Variants in LY6E observed in about 807,000 individuals in gnomAD.
LY6E encodes lymphocyte antigen 6 family member E.
LY6E carries 4 observed loss-of-function variants against 7.7 expected under a neutral mutation model. The ratio of observed to expected loss-of-function variants is 0.52; its 90% CI spans 0.25 to 1.18. LY6E has a LOEUF of 1.18. LY6E is among the 50% of genes most tolerant of loss of function. The pLI, the probability that LY6E is intolerant of heterozygous loss-of-function variation, is 0.14. For synonymous variants in LY6E, 81 were observed against 80.1 expected (o/e 1.01, Z -0.06); for missense variants, 156 against 168.0 (o/e 0.93, Z 0.40).
chr8:143,022,014 G>A lies in LY6E; in HGVS notation c.*225G>A. Reference sequence around the variant, plus strand: ...GGTGGATGATGTGACCTTCCTTGGGGGACCGCGGAAGGGACGAGGGTTCCC... The same window carrying A: ...GGTGGATGATGTGACCTTCCTTGGGAGACCGCGGAAGGGACGAGGGTTCCC... On this transcript the variant is annotated 3_prime_UTR_variant, in exon 4 of 4. Coordinates refer to ENST00000292494, the MANE Select transcript of LY6E (RefSeq NM_002346.3). The A allele has an allele frequency of 5.1e-6, 3 of 589,340 alleles. No individual in the cohort carries two copies. The highest frequency in any genetic ancestry group is 4.5e-4 in the Middle Eastern group (1 of 2,222). The allele number at this position is 589,340 out of a possible 1,614,324, so 36.5% of individuals were successfully genotyped here.
In LY6E at chr8:143,020,973, C is replaced by T. The variant is rs1334100898; in HGVS notation, c.34C>T (p.Leu12Phe). ...CTTCTTGCCAGTGCTGCTGGCTGCC[C>T]TTCTGGGTGTGGAGCGAGGTGAGGT... The part of the protein sequence containing the change: ...KIFLPVLLAA[L>F]LGVERASSLM... The change falls in exon 2 of 4, where the codon CTT becomes TTT. Residue 12 changes from leucine to phenylalanine, a missense_variant. By Grantham distance (22) the Leu-to-Phe change is conservative (BLOSUM62 0). Transcript: ENST00000292494. The T allele has an allele frequency of 2.5e-6, 4 of 1,614,000 alleles. No homozygotes were observed. Among genetic ancestry groups the T allele is most frequent in the Non-Finnish European group, 2.5e-6 (3 of 1,179,996 alleles).
At chr8:143,020,799 GT>G in intron 1 of LY6E, 83 bp from the exon 2 acceptor site, 1 of 715,032 alleles carries the variant, frequency 1.4e-6, no homozygotes, top group Non-Finnish European at 2.4e-6. Flanking sequence ...TCTGCTGTCT[GT>G]GTCCTCATCT....
At position 143,021,555 on chromosome 8, in the gene LY6E, T is replaced by C. The variant is rs764511574; in HGVS notation, c.173-11T>C. The C allele has an allele frequency of 8.4e-5, 136 of 1,613,628 alleles. 4 individuals carry two copies. In the South Asian group the frequency reaches 1.5e-3, roughly 18 times the overall value. On this transcript the variant is annotated splice_polypyrimidine_tract_variant and intron_variant, in intron 3 of 3. Transcript: ENST00000292494. ...TCTGTCTCTCCCCTGACAGCCTCAT[T>C]TCCCATGCAGGGAATCTCGTGACAT...
At chr8:143,019,670 C>T (rs117809561) in intron 1 of LY6E, among the ~76,000 whole-genome samples, 3,051 of 152,310 alleles carry the variant, frequency 0.02, 50 homozygotes, top group Non-Finnish European at 0.032. Flanking sequence ...TCTCACTGTC[C>T]TGGCCTGCTG....
chr8:143,020,497 GCATGGAGATTACAGGCGTGA>G (rs1216267149), intron 1 of LY6E: 2 of 174,452 alleles, frequency 1.1e-5, no homozygotes, highest in African/African-American at 4.7e-5. Context: ...GCCTCACATA[GCATGGAGATTACAGGCGTGA>G]GCCCCTGTAC....
In LY6E at chr8:143,021,880, C is replaced by T. The variant is rs1819235594; in HGVS notation, c.*91C>T. 1.7e-6 allele frequency: 2 copies of T among 1,191,986 alleles called. No homozygotes were observed. The highest frequency in any genetic ancestry group is 2.9e-5 in the South Asian group (2 of 68,058). The allele number at this position is 1,191,986 out of a possible 1,614,324, so 73.8% of individuals were successfully genotyped here. On this transcript the variant is annotated 3_prime_UTR_variant, in exon 4 of 4. Coordinates refer to ENST00000292494, the MANE Select transcript of LY6E (RefSeq NM_002346.3). The stretch of plus-strand genomic sequence containing the variant: ...CAGTGTATGGGAGCCCCTGACTCCT[C>T]ACGTGCCTGATCTGTGCCCTTGGTC...
chr8:143,021,098 TC>T, intron 2 of LY6E, 107 bp downstream of exon 2: 1 of 1,367,712 alleles, frequency 7.3e-7, no homozygotes, highest in Non-Finnish European at 1.0e-6. Flanking sequence ...TCCAGGCCGC[TC>T]CCAGCAGAGG....
intron 1 of LY6E, chr8:143,019,001 G>A (rs938146448): frequency 3.3e-5 from 5 of 152,504 alleles, no homozygotes; most frequent in Admixed American, 1.3e-4. Context: ...ACTAGGGGAG[G>A]GGGCACGGGA....
In LY6E at chr8:143,021,568, A is replaced by T; in HGVS notation, c.175A>T (p.Asn59Tyr). 4 of 1,613,810 alleles carry T rather than the reference A, an allele frequency of 2.5e-6. No individual in the cohort carries two copies. Among genetic ancestry groups the T allele is most frequent in the Non-Finnish European group, 3.4e-6 (4 of 1,179,988 alleles). Residue 59 changes from asparagine (N) to tyrosine (Y), a missense_variant and splice_region_variant, in exon 4 of 4, where the codon AAT (asparagine) becomes TAT (tyrosine). Transcript: ENST00000292494. ...TGACAGCCTCATTTCCCATGCAGGGAATCTCGTGACATTTGGCCACAGCCT... is the reference window on the plus strand; with the variant it reads ...TGACAGCCTCATTTCCCATGCAGGGTATCTCGTGACATTTGGCCACAGCCT... ...VTVSASAGIG[N>Y]LVTFGHSLSK... is the part of the protein sequence containing the mutation.
In LY6E at chr8:143,021,579, A is replaced by G. The variant is rs1188292367; in HGVS notation, c.186A>G (p.Thr62=). 2 of 1,613,698 alleles carry G rather than the reference A, an allele frequency of 1.2e-6. No homozygotes were observed. The highest frequency in any genetic ancestry group is 8.5e-7 in the Non-Finnish European group (1 of 1,179,992). Residue 62 remains threonine (T), a synonymous_variant, in exon 4 of 4, where the codon ACA becomes ACG. Transcript: ENST00000292494. ...SASAGIGNLV[T]FGHSLSKTCS... The stretch of plus-strand genomic sequence containing the variant: ...TTTCCCATGCAGGGAATCTCGTGAC[A>G]TTTGGCCACAGCCTGAGCAAGACCT...
At chr8:143,021,120 C>T in intron 2 of LY6E, 129 bp downstream of exon 2, 1 of 1,251,750 alleles carries the variant, frequency 8.0e-7, no homozygotes. Flanking sequence ...GCTCACCCGG[C>T]CTGGCCACAC....
intron 2 of LY6E, 39 bp downstream of exon 2, chr8:143,021,030 G>T (rs772231208): frequency 5.6e-6 from 9 of 1,606,814 alleles, no homozygotes; most frequent in African/African-American, 2.7e-5. Context: ...TTGTCCAGCT[G>T]TGCCCTGCTC....
chr8:143,021,090 C>A, intron 2 of LY6E, 99 bp downstream of exon 2: 1 of 1,396,540 alleles, frequency 7.2e-7, no homozygotes, highest in Non-Finnish European at 9.9e-7. Flanking sequence ...GGGGTCCTTC[C>A]AGGCCGCTCC....
intron 1 of LY6E, chr8:143,019,086 C>G (rs1219540431): frequency 2.0e-5 from 3 of 152,548 alleles, no homozygotes. Context: ...GGAACCCGCC[C>G]CCGCTTCTTG....
intron 2 of LY6E, 135 bp from the exon 3 acceptor site, chr8:143,021,179 T>C (rs1374201181): frequency 7.6e-7 from 1 of 1,318,396 alleles, no homozygotes; most frequent in Non-Finnish European, 1.0e-6. Context: ...ACGGCCAGGG[T>C]GGGGTGTCAC....
At chr8:143,020,637 C>G (rs2130451651) in intron 1 of LY6E, among the ~76,000 whole-genome samples, 1 of 152,352 alleles carries the variant, frequency 6.6e-6, no homozygotes, top group South Asian at 2.1e-4. Context: ...TTCTGTGGTT[C>G]TGAGAAGGCT....
intron 2 of LY6E, 97 bp downstream of exon 2, chr8:143,021,088 TC>T: frequency 7.2e-7 from 1 of 1,389,834 alleles, no homozygotes; most frequent in Non-Finnish European, 1.0e-6. Context: ...CAGGGGTCCT[TC>T]CAGGCCGCTC....
chr8:143,019,716 A>T (rs1003638150), intron 1 of LY6E, among the ~76,000 whole-genome samples: 1 of 151,924 alleles, frequency 6.6e-6, no homozygotes, highest in Non-Finnish European at 1.5e-5. Flanking sequence ...CCCTCTCCAG[A>T]TCTGTTCTCT....
chr8:143,021,747 G>A lies in LY6E; in HGVS notation c.354G>A (p.Leu118=), dbSNP rs1015943277. 36 of 1,611,264 alleles carry A rather than the reference G, an allele frequency of 2.2e-5. No homozygotes were observed. In the African/African-American group the frequency reaches 3.7e-4, roughly 17 times the overall value. The change falls in exon 4 of 4, where the codon CTG becomes CTA. Residue 118 remains leucine, a synonymous_variant. Coordinates refer to ENST00000292494, the MANE Select transcript of LY6E (RefSeq NM_002346.3). ...GCGTCACCCTGCTGGGTGCCGGGCT[G>A]CTGCTGAGCCTGCTGCCGGCCCTGC... The part of the protein sequence containing the change: ...RASVTLLGAG[L]LLSLLPALLR...
Sources: gnomAD v4.1 joint callset for allele counts (sites outside exome capture counted in the v4.1 genomes callset) on GRCh38, gnomAD v4.1.1 for gene constraint, MANE v1.5 for transcripts, NCBI Gene and HGNC (gene_info 2026-07-23, HGNC 2026-07-21) for gene names.